SERPINI2: variants seen among roughly 807,000 people sequenced by gnomAD.
SERPINI2 encodes serpin family I member 2, also known as serpin I2.
In SERPINI2, 48 loss-of-function variants were observed where a neutral mutation model predicts 47.3. The observed-to-expected ratio is 1.02, with a 90% CI of 0.81 to 1.29. SERPINI2 has a LOEUF of 1.29. SERPINI2 is among the 50% of genes most tolerant of loss of function. The pLI is 0.00. For missense variants in SERPINI2, 448 were observed against 456.9 expected, an observed-to-expected ratio of 0.98 and a Z score of 0.18; for synonymous variants, 135 against 149.3, an observed-to-expected ratio of 0.90 and a Z score of 0.70.
chr3:167,449,485 T>C (rs1749583111), intron 6 of SERPINI2, 83 bp from the exon 7 acceptor site: 2 of 528,192 alleles, frequency 3.8e-6, no homozygotes, highest in Non-Finnish European at 6.0e-6. Context: ...TAATTACATT[T>C]ATTTATTTAT....
intron 5 of SERPINI2, among the ~76,000 whole-genome samples, chr3:167,459,068 G>GTT (rs1191963816): frequency 1.4e-5 from 2 of 144,494 alleles, no homozygotes; most frequent in African/African-American, 5.5e-5. Flanking sequence ...ACCAAAGGAA[G>GTT]TTTTTTTTTG....
At chr3:167,459,726 T>C (rs1749932665) in intron 5 of SERPINI2, among the ~76,000 whole-genome samples, 1 of 151,168 alleles carries the variant, frequency 6.6e-6, no homozygotes, top group African/African-American at 2.4e-5. Context: ...ACCAAAGAGA[T>C]ATTTTACAAC....
At chr3:167,446,566 G>T in intron 7 of SERPINI2, 85 bp from the exon 8 acceptor site, 1 of 833,080 alleles carries the variant, frequency 1.2e-6, no homozygotes, top group East Asian at 2.6e-5. Flanking sequence ...TTTGTAGACA[G>T]GAAAAGTCAT....
chr3:167,465,562 T>C (rs1750108974), exon 4 of SERPINI2: 2 of 1,613,916 alleles, frequency 1.2e-6, no homozygotes, highest in Non-Finnish European at 1.7e-6. Flanking sequence ...CAGCTGTGTG[T>C]CCTCTTTTCT....
chr3:167,461,397 A>G (rs1018427936), intron 5 of SERPINI2, among the ~76,000 whole-genome samples: 4 of 152,206 alleles, frequency 2.6e-5, no homozygotes, highest in African/African-American at 9.7e-5. Flanking sequence ...GGGGAATACA[A>G]CTGCCAACTA....
At position 167,446,326 on chromosome 3, in the gene SERPINI2, A is replaced by T. The variant is rs914593737; in HGVS notation, c.1141+66T>A. On this transcript the variant is annotated intron_variant, in intron 8 of 8. Transcript: ENST00000264677. ...AATGACTTCAGATATGTACATTGCA[A>T]TTAGAAACTGGAACTAGTTCTGCTT... is the stretch of plus-strand genomic sequence containing the variant. 1.5e-5 allele frequency: 16 copies of T among 1,061,236 alleles called. No homozygotes were observed. The Middle Eastern group carries it at 6.2e-4, about 41-fold the overall frequency. 65.7% of individuals were successfully genotyped at this position (1,061,236 alleles called of 1,614,324 possible).
At chr3:167,443,297 C>T (rs896773011) in intron 8 of SERPINI2, among the ~76,000 whole-genome samples, 1 of 151,986 alleles carries the variant, frequency 6.6e-6, no homozygotes, top group Non-Finnish European at 1.5e-5. Context: ...TTAGTAGAGA[C>T]AGGGCTTCAC....
chr3:167,450,707 A>C (rs769789701), intron 6 of SERPINI2, among the ~76,000 whole-genome samples: 8 of 152,166 alleles, frequency 5.3e-5, no homozygotes, highest in Non-Finnish European at 8.8e-5. Context: ...TTCTCCCAGG[A>C]CTGCCTGGAA....
chr3:167,459,869 C>A (rs552736730), intron 5 of SERPINI2, among the ~76,000 whole-genome samples: 13 of 152,070 alleles, frequency 8.5e-5, no homozygotes, highest in Non-Finnish European at 1.6e-4. Context: ...GGGCCTTAAT[C>A]CAATATGATC....
intron 6 of SERPINI2, among the ~76,000 whole-genome samples, chr3:167,449,799 G>T (rs1225151601): frequency 1.3e-5 from 2 of 152,164 alleles, no homozygotes; most frequent in East Asian, 3.9e-4. Context: ...AGCATCATTA[G>T]ATTTTCAAAT....
intron 5 of SERPINI2, among the ~76,000 whole-genome samples, chr3:167,462,534 G>C (rs542887649): frequency 6.6e-6 from 1 of 152,144 alleles, no homozygotes; most frequent in Admixed American, 6.5e-5. Flanking sequence ...TGTTGGATTA[G>C]AGCCCGGCCT....
At chr3:167,474,105 T>C (rs1750423189) in exon 1 of SERPINI2, 8 of 1,006,598 alleles carry the variant, frequency 7.9e-6, no homozygotes, top group Non-Finnish European at 9.5e-6. Flanking sequence ...CAACTCCATT[T>C]ATCTTGACCA....
At chr3:167,444,186 A>G (rs979640152) in intron 8 of SERPINI2, among the ~76,000 whole-genome samples, 3 of 152,140 alleles carry the variant, frequency 2.0e-5, no homozygotes, top group Admixed American at 2.0e-4. Flanking sequence ...CTATTTTTTC[A>G]GGAATGGTAC....
chr3:167,473,217 A>C (rs1436266247), intron 1 of SERPINI2, among the ~76,000 whole-genome samples: 2 of 151,744 alleles, frequency 1.3e-5, no homozygotes, highest in Non-Finnish European at 3.0e-5. Context: ...AATCCAAAGC[A>C]ATTGTTAGAA....
intron 5 of SERPINI2, among the ~76,000 whole-genome samples, chr3:167,460,654 A>C (rs901100167): frequency 3.9e-5 from 6 of 152,192 alleles, no homozygotes; most frequent in Admixed American, 2.6e-4. Flanking sequence ...TCTAGAGAGA[A>C]GTTTTGAAGT....
At chr3:167,454,005 C>G (rs537703531) in intron 5 of SERPINI2, among the ~76,000 whole-genome samples, 3 of 152,278 alleles carry the variant, frequency 2.0e-5, no homozygotes, top group Admixed American at 6.5e-5. Flanking sequence ...AAACAGGGAG[C>G]TATATATATT....
At chr3:167,456,000 A>G (rs1214332613) in intron 5 of SERPINI2, among the ~76,000 whole-genome samples, 1 of 152,112 alleles carries the variant, frequency 6.6e-6, no homozygotes, top group Non-Finnish European at 1.5e-5. Flanking sequence ...TCCAAACCAT[A>G]TCACTTGTAC....
chr3:167,441,981 T>C (rs771729718), exon 9 of SERPINI2: 1 of 601,092 alleles, frequency 1.7e-6, no homozygotes, highest in Non-Finnish European at 2.7e-6. Flanking sequence ...GACAGATATC[T>C]ATTACTACAG....
At chr3:167,446,105 T>G (rs1377981047) in intron 8 of SERPINI2, among the ~76,000 whole-genome samples, 1 of 152,176 alleles carries the variant, frequency 6.6e-6, no homozygotes, top group Non-Finnish European at 1.5e-5. Context: ...TCTCTGAGCT[T>G]TTGTTCTTTA....
Sources: gnomAD v4.1 joint callset for allele counts (sites outside exome capture counted in the v4.1 genomes callset) on GRCh38, gnomAD v4.1.1 for gene constraint, MANE v1.5 for transcripts, NCBI Gene and HGNC (gene_info 2026-07-23, HGNC 2026-07-21) for gene names.